The following ARMC2 variants were observed in gnomAD, a reference collection of about 807,000 sequenced individuals.
The protein encoded by ARMC2 is armadillo repeat-containing protein 2.
ARMC2 carries 67 observed loss-of-function variants against 90.3 expected under a neutral mutation model. That is an observed-to-expected ratio of 0.74 (90% confidence interval 0.61 to 0.91). The LOEUF is 0.91. Among genes scored for constraint, ARMC2 ranks in the 40% least tolerant of loss-of-function variants. ARMC2 has a pLI of 0.00. For missense variants in ARMC2, 920 were observed against 1,030.9 expected (o/e 0.89, Z 1.47); for synonymous variants, 393 against 393.0 (o/e 1.00, Z 0.00).
intron 8 of ARMC2, chr6:108,907,785 T>C: frequency 6.2e-7 from 1 of 1,611,010 alleles, no homozygotes; most frequent in Non-Finnish European, 8.5e-7. Context: ...CCACTAGGGC[T>C]GAAGTCCCCC....
intron 11 of ARMC2, among the ~76,000 whole-genome samples, chr6:108,932,516 CT>C (rs60000198): frequency 5.1e-5 from 4 of 77,906 alleles, no homozygotes; most frequent in Admixed American, 2.0e-4. Context: ...TTCTCCATTG[CT>C]TTTTTTTTTT....
chr6:108,994,673 A>G, the ARMC2 span: 1 of 1,171,752 alleles, frequency 8.5e-7, no homozygotes, highest in East Asian at 2.8e-5. Context: ...ATTATCTTTT[A>G]AGTCTGTCTC....
the ARMC2 span, among the ~76,000 whole-genome samples, chr6:109,006,711 T>G: frequency 6.6e-6 from 1 of 152,198 alleles, no homozygotes; most frequent in Admixed American, 6.5e-5. Flanking sequence ...ATAAAAAGTT[T>G]CCATTTTCTG....
chr6:109,027,476 CAAAAAAAAAAAAAAAAAA>C, the ARMC2 span, among the ~76,000 whole-genome samples: 1 of 27,326 alleles, frequency 3.7e-5, no homozygotes, highest in Non-Finnish European at 7.7e-5. Context: ...GACTCTGTCT[CAAAAAAAAAAAAAAAAAA>C]AAAAAAAAGA....
chr6:108,971,846 G>A (rs1226830350), intron 17 of ARMC2, among the ~76,000 whole-genome samples: 3 of 151,758 alleles, frequency 2.0e-5, no homozygotes, highest in Non-Finnish European at 4.4e-5. Context: ...GCTTGAACCC[G>A]GGAGGCAGAG....
intron 8 of ARMC2, chr6:108,907,701 C>G: frequency 6.2e-7 from 1 of 1,609,056 alleles, no homozygotes; most frequent in Non-Finnish European, 8.5e-7. Context: ...ATGGTAACCC[C>G]CGAGATGCTC....
In ARMC2 at chr6:108,910,944, T is replaced by C. The variant is rs1463371604; in HGVS notation, c.1069T>C (p.Phe357Leu). The change falls in exon 9 of 18, where the codon TTT (phenylalanine) becomes CTT (leucine). Residue 357 changes from phenylalanine (F) to leucine (L), a missense_variant. Phe to Leu is a conservative substitution (Grantham distance 22). Coordinates refer to ENST00000392644, the MANE Select transcript of ARMC2 (RefSeq NM_032131.6). ...TCTTCTTAATGTCTGCAAACTTATA[T>C]TTAAAATTAGCAGGAATGAGAAGAA... is the stretch of plus-strand genomic sequence containing the variant. The part of the protein sequence containing the change: ...KNLLNVCKLI[F>L]KISRNEKNDS... 1 of 1,584,652 alleles carries C rather than the reference T, an allele frequency of 6.3e-7. No homozygotes were observed. The highest frequency in any genetic ancestry group is 1.7e-4 in the Middle Eastern group (1 of 6,006).
the ARMC2 span, among the ~76,000 whole-genome samples, chr6:109,033,089 AG>A: frequency 9.7e-4 from 147 of 152,266 alleles, 1 homozygote; most frequent in African/African-American, 3.3e-3. Context: ...GAAAAAGTCA[AG>A]GGATTATTAA....
intron 17 of ARMC2, among the ~76,000 whole-genome samples, chr6:108,966,819 C>A (rs1306946555): frequency 6.6e-6 from 1 of 152,190 alleles, no homozygotes; most frequent in East Asian, 1.9e-4. Flanking sequence ...CCTAGGAATT[C>A]TGATTCAGAA....
At chr6:109,048,514 A>G in the ARMC2 span, among the ~76,000 whole-genome samples, 3 of 152,340 alleles carry the variant, frequency 2.0e-5, no homozygotes, top group South Asian at 6.2e-4. Context: ...TAACACAACC[A>G]GGTTTATTAG....
chr6:109,000,352 A>G, the ARMC2 span: 1 of 546,510 alleles, frequency 1.8e-6, no homozygotes, highest in African/African-American at 1.9e-5. Flanking sequence ...GTAACAGAAG[A>G]AAATGTGCAT....
At chr6:108,930,140 A>G (rs1775414356) in intron 11 of ARMC2, among the ~76,000 whole-genome samples, 2 of 151,894 alleles carry the variant, frequency 1.3e-5, no homozygotes, top group Admixed American at 6.6e-5. Context: ...AAAAAAAAAA[A>G]GAATCCAAAC....
At chr6:108,903,731 T>C (rs1772389061) in intron 7 of ARMC2, among the ~76,000 whole-genome samples, 1 of 152,180 alleles carries the variant, frequency 6.6e-6, no homozygotes, top group Admixed American at 6.5e-5. Flanking sequence ...GTAATGTTTG[T>C]TGAATGTGGA....
chr6:108,906,753 G>A (rs551142400), intron 8 of ARMC2, among the ~76,000 whole-genome samples: 26 of 152,268 alleles, frequency 1.7e-4, no homozygotes, highest in African/African-American at 6.3e-4. Flanking sequence ...CCAAAGTGCT[G>A]GGATTACAGG....
At chr6:108,997,577 C>G in the ARMC2 span, among the ~76,000 whole-genome samples, 1 of 152,186 alleles carries the variant, frequency 6.6e-6, no homozygotes, top group African/African-American at 2.4e-5. Flanking sequence ...TGGCATTTTA[C>G]TTCTTTAGAG....
chr6:109,032,028 T>C, the ARMC2 span, among the ~76,000 whole-genome samples: 1 of 152,180 alleles, frequency 6.6e-6, no homozygotes, highest in Non-Finnish European at 1.5e-5. Flanking sequence ...TAAGTACTTA[T>C]ATGTGGAATT....
intron 4 of ARMC2, among the ~76,000 whole-genome samples, chr6:108,872,005 C>G (rs1399443874): frequency 6.6e-6 from 1 of 152,202 alleles, no homozygotes; most frequent in Non-Finnish European, 1.5e-5. Context: ...AATATTTGAG[C>G]TCTCCAGCCT....
At chr6:108,937,890 GTTTCACCGT>G (rs1776088380) in intron 12 of ARMC2, among the ~76,000 whole-genome samples, 9 of 151,872 alleles carry the variant, frequency 5.9e-5, no homozygotes, top group African/African-American at 2.2e-4. Context: ...TAGAGACGAG[GTTTCACCGT>G]GTTAGCCAGG....
chr6:109,026,197 T>C, the ARMC2 span, among the ~76,000 whole-genome samples: 1 of 152,162 alleles, frequency 6.6e-6, no homozygotes, highest in Non-Finnish European at 1.5e-5. Flanking sequence ...AAACTATCTT[T>C]CATAAAGTGA....
Sources: gnomAD v4.1 joint callset for allele counts (sites outside exome capture counted in the v4.1 genomes callset) on GRCh38, gnomAD v4.1.1 for gene constraint, MANE v1.5 for transcripts, NCBI Gene and HGNC (gene_info 2026-07-23, HGNC 2026-07-21) for gene names.